NCKAP5: variants seen among roughly 807,000 people sequenced by gnomAD.
The protein encoded by NCKAP5 is nck-associated protein 5.
Under a neutral mutation model 167.0 loss-of-function variants are expected in NCKAP5, and 92 were observed. That is an observed-to-expected ratio of 0.55 (90% CI 0.47 to 0.66). The LOEUF is 0.66. Ranked by LOEUF, NCKAP5 falls within the 30% of genes least tolerant of loss-of-function variation. The pLI is 0.00. For synonymous variants in NCKAP5, 891 were observed against 877.4 expected (o/e 1.02, Z -0.27); for missense variants, 2,378 against 2,315.0 (o/e 1.03, Z -0.56).
chr2:132,807,650 C>T (rs1685541083), intron 11 of NCKAP5, among the ~76,000 whole-genome samples: 1 of 152,012 alleles, frequency 6.6e-6, no homozygotes, highest in African/African-American at 2.4e-5. Context: ...GTTCTAGGAG[C>T]TTTCTAGAGG....
chr2:132,778,434 G>A (rs1180519861), intron 15 of NCKAP5, among the ~76,000 whole-genome samples: 1 of 152,004 alleles, frequency 6.6e-6, no homozygotes. Flanking sequence ...TACACATGTG[G>A]ATTTGTTATA....
At chr2:133,138,410 A>G (rs1440655195) in intron 5 of NCKAP5, among the ~76,000 whole-genome samples, 1 of 152,212 alleles carries the variant, frequency 6.6e-6, no homozygotes, top group Non-Finnish European at 1.5e-5. Context: ...AAATGGTAAC[A>G]CTGTATTTAC....
chr2:133,006,475 G>A (rs2149347909), intron 6 of NCKAP5, among the ~76,000 whole-genome samples: 1 of 152,264 alleles, frequency 6.6e-6, no homozygotes, highest in East Asian at 1.9e-4. Flanking sequence ...GCCACATGCT[G>A]TCTGTCATGT....
chr2:133,639,084 A>G, the NCKAP5 span, among the ~76,000 whole-genome samples: 2 of 152,192 alleles, frequency 1.3e-5, no homozygotes, highest in East Asian at 3.9e-4. Flanking sequence ...AGCATGATCA[A>G]TCTCAATCAT....
rs537120780 is a variant in NCKAP5, at chr2:132,933,853, A to G, written c.579+29867T>C. 1.8e-4 allele frequency among the ~76,000 whole-genome samples: 27 copies of G among 151,274 alleles called. No individual in the cohort carries two copies. In the East Asian group the frequency reaches 4.2e-3, roughly 24 times the overall value. ...AAAAGAATTGTATTTTCAGAGGGGG[A>G]AAAAAAAGAGCTACAACAATAGCTC... On this transcript the variant is annotated intron_variant, in intron 8 of 19. Coordinates refer to ENST00000409261, the MANE Select transcript of NCKAP5 (RefSeq NM_207363.3).
intron 6 of NCKAP5, among the ~76,000 whole-genome samples, chr2:133,112,742 G>A (rs1559150757): frequency 6.6e-6 from 1 of 152,202 alleles, no homozygotes; most frequent in Non-Finnish European, 1.5e-5. Flanking sequence ...CAGATGAGGA[G>A]CAGCCATTTG....
At chr2:133,304,604 T>C (rs1680641053) in intron 3 of NCKAP5, among the ~76,000 whole-genome samples, 1 of 152,228 alleles carries the variant, frequency 6.6e-6, no homozygotes, top group South Asian at 2.1e-4. Flanking sequence ...CTTGACACTA[T>C]CAAATACATG....
At chr2:133,147,036 C>G (rs953241178) in intron 5 of NCKAP5, among the ~76,000 whole-genome samples, 4 of 152,152 alleles carry the variant, frequency 2.6e-5, no homozygotes, top group Admixed American at 1.3e-4. Context: ...AGTCAATGTA[C>G]AGACTCCAAA....
chr2:132,796,808 C>G, intron 11 of NCKAP5, 79 bp from the exon 12 acceptor site: 1 of 978,658 alleles, frequency 1.0e-6, no homozygotes, highest in Non-Finnish European at 1.6e-6. Context: ...ACAGTTAAAT[C>G]TCAAAAGACT....
the NCKAP5 span, among the ~76,000 whole-genome samples, chr2:133,653,432 C>T: frequency 1.3e-5 from 2 of 152,180 alleles, no homozygotes; most frequent in African/African-American, 4.8e-5. Flanking sequence ...AGCCTAGTTT[C>T]CTTCTGTAAA....
intron 5 of NCKAP5, among the ~76,000 whole-genome samples, chr2:133,163,084 A>C: frequency 6.6e-6 from 1 of 152,060 alleles, no homozygotes; most frequent in Non-Finnish European, 1.5e-5. Context: ...TACATTTAAA[A>C]AGATGAAAGA....
chr2:133,411,835 ATTATCT>A (rs1167679085), intron 3 of NCKAP5, among the ~76,000 whole-genome samples: 3 of 152,096 alleles, frequency 2.0e-5, no homozygotes, highest in Non-Finnish European at 2.9e-5. Context: ...TATTGAATCT[ATTATCT>A]TTATTTTTCT....
intron 2 of NCKAP5, among the ~76,000 whole-genome samples, chr2:133,533,136 T>C (rs184346355): frequency 3.1e-4 from 47 of 152,312 alleles, no homozygotes; most frequent in Non-Finnish European, 4.7e-4. Context: ...AGTCAGAGAT[T>C]GCAAACCCAA....
chr2:133,215,834 A>G (rs2086404354), intron 4 of NCKAP5, among the ~76,000 whole-genome samples: 1 of 152,196 alleles, frequency 6.6e-6, no homozygotes, highest in Non-Finnish European at 1.5e-5. Context: ...GGAAGGGGTA[A>G]AACTGTCTCT....
At chr2:133,452,576 C>A (rs1691614848) in intron 3 of NCKAP5, among the ~76,000 whole-genome samples, 1 of 152,172 alleles carries the variant, frequency 6.6e-6, no homozygotes, top group Non-Finnish European at 1.5e-5. Flanking sequence ...GCAGGTGATA[C>A]ATTCCTTGCC....
intron 3 of NCKAP5, among the ~76,000 whole-genome samples, chr2:133,508,277 A>T (rs1683194382): frequency 6.6e-6 from 1 of 152,172 alleles, no homozygotes; most frequent in South Asian, 2.1e-4. Context: ...AGGACACCAT[A>T]GATTAAATTT....
intron 3 of NCKAP5, among the ~76,000 whole-genome samples, chr2:133,479,381 G>A (rs1680225571): frequency 6.6e-6 from 1 of 152,166 alleles, no homozygotes; most frequent in Non-Finnish European, 1.5e-5. Flanking sequence ...TTGCCCAGGA[G>A]CATGTGACAT....
intron 4 of NCKAP5, among the ~76,000 whole-genome samples, chr2:133,276,390 T>C (rs1004595322): frequency 2.6e-5 from 4 of 151,882 alleles, no homozygotes; most frequent in Non-Finnish European, 4.4e-5. Context: ...TTATACAAGA[T>C]AGGAAATGAC....
At chr2:132,720,121 G>T (rs947873317) in intron 19 of NCKAP5, among the ~76,000 whole-genome samples, 7 of 152,146 alleles carry the variant, frequency 4.6e-5, no homozygotes, top group East Asian at 1.9e-4. Context: ...CAACTGGCTT[G>T]CTCGCTCCTT....
Sources: gnomAD v4.1 joint callset for allele counts (sites outside exome capture counted in the v4.1 genomes callset) on GRCh38, gnomAD v4.1.1 for gene constraint, MANE v1.5 for transcripts, NCBI Gene and HGNC (gene_info 2026-07-23, HGNC 2026-07-21) for gene names.